MILR1: variants seen among roughly 807,000 people sequenced by gnomAD.
The protein encoded by MILR1 is allergin-1.
Under a neutral mutation model 18.5 loss-of-function variants are expected in MILR1, and 31 were observed. The observed-to-expected ratio is 1.68, with a 90% CI of 1.26 to 2.26. The LOEUF (loss-of-function observed/expected upper bound fraction) is 2.26, where lower values mean the gene tolerates loss of function less well. Among genes scored for constraint, MILR1 ranks in the 30% most tolerant of loss-of-function variants. The probability of loss-of-function intolerance (pLI) is 0.00; values close to 1 mark genes in which losing one functional copy is unlikely to be tolerated. For missense variants in MILR1, 257 were observed against 157.4 expected, an observed-to-expected ratio of 1.63 and a Z score of -3.38; for synonymous variants, 85 against 56.2, an observed-to-expected ratio of 1.51 and a Z score of -2.30.
intron 5 of MILR1, 64 bp from the exon 6 acceptor site, chr17:64,465,388 C>A: frequency 8.6e-7 from 1 of 1,168,312 alleles, no homozygotes; most frequent in Non-Finnish European, 1.3e-6. Context: ...TGCTCCTTGG[C>A]CGAGGAGATG....
chr17:64,451,702 A>T (rs57887370), intron 2 of MILR1, among the ~76,000 whole-genome samples: 109 of 152,080 alleles, frequency 7.2e-4, no homozygotes, highest in Non-Finnish European at 1.2e-3. Flanking sequence ...GGGAGGCTGA[A>T]GCAGGCAGTC....
intron 6 of MILR1, among the ~76,000 whole-genome samples, chr17:64,465,811 A>T (rs2037544313): frequency 6.6e-6 from 1 of 151,976 alleles, no homozygotes; most frequent in Admixed American, 6.6e-5. Flanking sequence ...TTCATGTAAC[A>T]ACGTATCTTG....
intron 8 of MILR1, among the ~76,000 whole-genome samples, 191 bp from the exon 9 acceptor site, chr17:64,467,374 G>A (rs2037597518): frequency 6.6e-6 from 1 of 151,738 alleles, no homozygotes; most frequent in African/African-American, 2.4e-5. Flanking sequence ...GCCTCCCAAA[G>A]TGTTGGGATT....
the MILR1 span, chr17:64,485,482 T>C: frequency 6.0e-6 from 3 of 498,298 alleles, no homozygotes; most frequent in Admixed American, 6.5e-5. Context: ...GTCATAGAGA[T>C]AGCTGTCTGT....
At chr17:64,450,310 C>T (rs2143992099) in intron 2 of MILR1, among the ~76,000 whole-genome samples, 1 of 152,256 alleles carries the variant, frequency 6.6e-6, no homozygotes, top group Non-Finnish European at 1.5e-5. Flanking sequence ...ACAATCCCTG[C>T]TCCTCGTCAC....
the MILR1 span, chr17:64,497,044 T>A: frequency 1.9e-5 from 28 of 1,443,612 alleles, no homozygotes; most frequent in South Asian, 2.8e-4. Flanking sequence ...GTTAACAGAA[T>A]CCGGAGAGGC....
chr17:64,497,094 G>A, the MILR1 span: 509 of 982,810 alleles, frequency 5.2e-4, 1 homozygote, highest in African/African-American at 7.2e-3. Flanking sequence ...GCTTGCGGGC[G>A]GCAGGCCCCA....
At chr17:64,483,208 T>C in the MILR1 span, among the ~76,000 whole-genome samples, 1 of 152,160 alleles carries the variant, frequency 6.6e-6, no homozygotes, top group Non-Finnish European at 1.5e-5. Flanking sequence ...TCCACTTAGA[T>C]GTTTGGCAGA....
At chr17:64,494,821 T>C in the MILR1 span, among the ~76,000 whole-genome samples, 2 of 152,208 alleles carry the variant, frequency 1.3e-5, no homozygotes, top group Non-Finnish European at 2.9e-5. Context: ...CACCTTGTAC[T>C]TTCCCTAACC....
chr17:64,493,086 A>G, the MILR1 span: 2 of 1,517,228 alleles, frequency 1.3e-6, no homozygotes, highest in South Asian at 2.3e-5. Context: ...TTTTGTCAAT[A>G]GACACATTAA....
chr17:64,449,452 A>G, intron 2 of MILR1, 97 bp downstream of exon 2: 1 of 413,420 alleles, frequency 2.4e-6, no homozygotes, highest in Non-Finnish European at 4.4e-6. Context: ...AGTGTTTCTG[A>G]GCTTTTATGA....
Position 64,468,369 on chromosome 17 carries a change from A to C in MILR1, c.*88A>C. On this transcript the variant is annotated 3_prime_UTR_variant, in exon 10 of 10. Transcript: ENST00000619286. ...AGTAGCGCGATCTTGGCTCACTTCAATCTCCATCTTCCCAGTTCAAGCGAT... is the reference window on the plus strand; with the variant it reads ...AGTAGCGCGATCTTGGCTCACTTCACTCTCCATCTTCCCAGTTCAAGCGAT... 3 of 446,160 alleles carry C rather than the reference A, an allele frequency of 6.7e-6. No individual in the cohort carries two copies. The highest frequency in any genetic ancestry group is 2.5e-5 in the Admixed American group (1 of 40,250). The allele number at this position is 446,160 out of a possible 1,614,324, so 27.6% of individuals were successfully genotyped here.
chr17:64,495,100 C>CCTGGGA, the MILR1 span, among the ~76,000 whole-genome samples: 6 of 148,658 alleles, frequency 4.0e-5, no homozygotes, highest in African/African-American at 1.5e-4. Flanking sequence ...ATGGCGTGAA[C>CCTGGGA]CTGGGAGATG....
the MILR1 span, among the ~76,000 whole-genome samples, chr17:64,494,050 A>C: frequency 1.2e-4 from 18 of 152,342 alleles, no homozygotes; most frequent in African/African-American, 4.3e-4. Flanking sequence ...CACCCCAAAT[A>C]TCTTTTACTG....
At position 64,450,963 on chromosome 17, in the gene MILR1, T is replaced by G. The variant is rs903035491; in HGVS notation, c.97+1608T>G. 8.3e-4 allele frequency among the ~76,000 whole-genome samples: 126 copies of G among 152,332 alleles called. 2 individuals carry two copies. Among genetic ancestry groups the G allele is most frequent in the African/African-American group, 2.7e-3 (113 of 41,578 alleles). ...AAAGCATCTCTGTAGAATGAAATTC[T>G]AGAATTGAAATTGCAAGGTCATAGG... is the stretch of plus-strand genomic sequence containing the variant. On this transcript the variant is annotated intron_variant, in intron 2 of 9. Coordinates refer to ENST00000619286, the MANE Select transcript of MILR1 (RefSeq NM_001085423.2).
At chr17:64,460,228 G>T (rs1039573524) in intron 4 of MILR1, among the ~76,000 whole-genome samples, 1 of 152,004 alleles carries the variant, frequency 6.6e-6, no homozygotes, top group Admixed American at 6.6e-5. Context: ...GTTTCACCAT[G>T]TTGGCCAGGC....
intron 5 of MILR1, among the ~76,000 whole-genome samples, chr17:64,464,324 A>G (rs1269869994): frequency 1.4e-5 from 2 of 147,114 alleles, no homozygotes; most frequent in African/African-American, 5.0e-5. Flanking sequence ...TTCCCAGGCT[A>G]GTCTTGAACT....
chr17:64,478,577 T>G, the MILR1 span, among the ~76,000 whole-genome samples: 1 of 152,214 alleles, frequency 6.6e-6, no homozygotes, highest in Admixed American at 6.5e-5. Flanking sequence ...TTATTGTCTA[T>G]TTTGTCCTAC....
chr17:64,464,627 T>C (rs1049811449), intron 5 of MILR1, among the ~76,000 whole-genome samples: 2 of 152,182 alleles, frequency 1.3e-5, no homozygotes, highest in South Asian at 2.1e-4. Flanking sequence ...TTTTGATTAC[T>C]GGCTGGAGCT....
Sources: gnomAD v4.1 joint callset for allele counts (sites outside exome capture counted in the v4.1 genomes callset) on GRCh38, gnomAD v4.1.1 for gene constraint, MANE v1.5 for transcripts, NCBI Gene and HGNC (gene_info 2026-07-23, HGNC 2026-07-21) for gene names.